TMPRSS5: variants seen among roughly 807,000 people sequenced by gnomAD.
TMPRSS5 encodes the protein transmembrane protease serine 5.
Under a neutral mutation model 59.7 loss-of-function variants are expected in TMPRSS5, and 45 were observed. That is an observed-to-expected ratio of 0.75 (90% confidence interval 0.59 to 0.97). The LOEUF is 0.97. Among genes scored for constraint, TMPRSS5 ranks in the 50% least tolerant of loss-of-function variants. The pLI is 0.00. For synonymous variants in TMPRSS5, 225 were observed against 232.0 expected, an observed-to-expected ratio of 0.97 and a Z score of 0.27; for missense variants, 585 against 596.7, an observed-to-expected ratio of 0.98 and a Z score of 0.20.
Position 113,687,892 on chromosome 11 carries a change from AG to A in TMPRSS5, c.*367del. 1 of 214,910 alleles carries A rather than the reference AG, an allele frequency of 4.7e-6. No homozygotes were observed. 13.3% of individuals were successfully genotyped at this position (214,910 alleles called of 1,614,324 possible). Reference sequence around the variant, plus strand: ...CAGCACCCTCCCAAAAGACTCACACAGGGGCAGGGAGGGGAGAGGGCAGAAG... The same window carrying A: ...CAGCACCCTCCCAAAAGACTCACACAGGGCAGGGAGGGGAGAGGGCAGAAG... On this transcript the variant is annotated 3_prime_UTR_variant, in exon 13 of 13. Transcript: ENST00000299882.
At chr11:113,688,347 T>A in intron 12 of TMPRSS5, 73 bp from the exon 13 acceptor site, 1 of 1,059,010 alleles carries the variant, frequency 9.4e-7, no homozygotes, top group Non-Finnish European at 1.4e-6. Flanking sequence ...TTTTAGTAAA[T>A]CACTTAACCA....
Position 113,700,072 on chromosome 11 carries a change from G to T in TMPRSS5, c.100C>A (p.His34Asn). 1 of 1,564,806 alleles carries T rather than the reference G, an allele frequency of 6.4e-7. No homozygotes were observed. Among genetic ancestry groups the T allele is most frequent in the Non-Finnish European group, 8.7e-7 (1 of 1,154,234 alleles). ...IFRAEPGDQQ[H>N]PISQAVCWRS... ...ATGGCCCAGTCTGGCCTACTGGGAT[G>T]CTGCTGGTCTCCAGGCTCTGCTCTG... The change falls in exon 2 of 13, where the codon CAT becomes AAT. Residue 34 changes from histidine (H) to asparagine (N), a missense_variant. Coordinates refer to ENST00000299882, the MANE Select transcript of TMPRSS5 (RefSeq NM_030770.4).
Position 113,693,130 on chromosome 11 carries a change from G to A in TMPRSS5, c.905C>T (p.Ala302Val), listed in dbSNP as rs1194066657. ...ERIIPHPLYSAQNHDYDVALL... is the reference protein window; with the variant it reads ...ERIIPHPLYSVQNHDYDVALL... ...GGCGACGTCGTAGTCATGATTCTGG[G>A]CACTGTAGAGGGGGTGTGGGATAAT... Residue 302 changes from alanine (A) to valine (V), a missense_variant, in exon 9 of 13, where the codon GCC becomes GTC. By Grantham distance (64) the Ala-to-Val change is moderately conservative (BLOSUM62 0). Coordinates refer to ENST00000299882, the MANE Select transcript of TMPRSS5 (RefSeq NM_030770.4). 1 of 1,596,502 alleles carries A rather than the reference G, an allele frequency of 6.3e-7. No homozygotes were observed. Among genetic ancestry groups the A allele is most frequent in the Non-Finnish European group, 8.5e-7 (1 of 1,171,622 alleles).
At chr11:113,700,940 A>G (rs1408829325) in intron 1 of TMPRSS5, among the ~76,000 whole-genome samples, 1 of 152,186 alleles carries the variant, frequency 6.6e-6, no homozygotes, top group Non-Finnish European at 1.5e-5. Context: ...AGTTCTCACA[A>G]GATCTGATGG....
chr11:113,690,961 T>A (rs764900020), intron 9 of TMPRSS5, 22 bp from the exon 10 acceptor site: 1 of 1,562,330 alleles, frequency 6.4e-7, no homozygotes, highest in Non-Finnish European at 8.7e-7. Flanking sequence ...CACATGGTCC[T>A]GGTCCCCAGT....
chr11:113,688,156 T>C lies in TMPRSS5; in HGVS notation c.*104A>G. The C allele has an allele frequency of 6.7e-7, 1 of 1,484,194 alleles. No individual in the cohort carries two copies. The highest frequency in any genetic ancestry group is 9.0e-7 in the Non-Finnish European group (1 of 1,117,064). The allele number at this position is 1,484,194 out of a possible 1,614,324, so 91.9% of individuals were successfully genotyped here. On this transcript the variant is annotated 3_prime_UTR_variant, in exon 13 of 13. Transcript: ENST00000299882. The stretch of plus-strand genomic sequence containing the variant: ...CACACAGTAGTAGGAGGTCCATGCG[T>C]TCTGTGTCGGAGGCTACTGCCTCTC...
chr11:113,690,176 G>GCCCCCCCCCCCCCCCCCCCCCCCCCCCC, intron 11 of TMPRSS5, 55 bp downstream of exon 11: 2 of 388,228 alleles, frequency 5.2e-6, no homozygotes, highest in South Asian at 4.3e-5. Flanking sequence ...CAGGCCCCCT[G>GCCCCCCCCCCCCCCCCCCCCCCCCCCCC]CCCTCCCACC....
chr11:113,698,871 G>A, intron 4 of TMPRSS5, 34 bp downstream of exon 4: 4 of 1,568,088 alleles, frequency 2.6e-6, no homozygotes, highest in African/African-American at 1.3e-5. Flanking sequence ...CCCTGCTGGG[G>A]AGGGAGGCCC....
chr11:113,703,645 C>G (rs1953202973), intron 1 of TMPRSS5, among the ~76,000 whole-genome samples: 1 of 152,198 alleles, frequency 6.6e-6, no homozygotes, highest in Non-Finnish European at 1.5e-5. Context: ...TTACCACGCA[C>G]TGGGGGAGGG....
At chr11:113,695,875 T>C (rs1952913538) in intron 6 of TMPRSS5, among the ~76,000 whole-genome samples, 1 of 152,222 alleles carries the variant, frequency 6.6e-6, no homozygotes, top group African/African-American at 2.4e-5. Flanking sequence ...TTCTCCACCC[T>C]GGTCCCTCTG....
intron 9 of TMPRSS5, 67 bp downstream of exon 9, chr11:113,693,004 T>TGC: frequency 6.4e-6 from 8 of 1,255,762 alleles, no homozygotes; most frequent in Non-Finnish European, 7.9e-6. Context: ...CTCACCACTC[T>TGC]CCCACCCAGC....
Position 113,694,580 on chromosome 11 carries a change from C to T in TMPRSS5, c.683G>A (p.Arg228His), listed in dbSNP as rs372456255. Residue 228 changes from arginine (R) to histidine (H), a missense_variant, in exon 8 of 13, where the codon CGC becomes CAC. Physicochemically the swap from Arg to His is conservative, Grantham distance 29. Transcript: ENST00000299882. ...IVGGQSVAPG[R>H]WPWQASVALG... ...GGCCACGCTGGCCTGCCACGGCCAG[C>T]GCCCAGGAGCCACAGACTGCCCACC... 134 of 1,556,284 alleles carry T rather than the reference C, an allele frequency of 8.6e-5. No individual in the cohort carries two copies. Among genetic ancestry groups the T allele is most frequent in the East Asian group, 2.4e-4 (10 of 41,232 alleles).
At chr11:113,695,505 A>C in intron 6 of TMPRSS5, 62 bp from the exon 7 acceptor site, 2 of 1,547,046 alleles carry the variant, frequency 1.3e-6, no homozygotes, top group Non-Finnish European at 1.8e-6. Flanking sequence ...ACACACATCC[A>C]AGGACGTGAA....
chr11:113,690,176 G>GCCCACCCC, intron 11 of TMPRSS5, 55 bp downstream of exon 11: 1 of 388,230 alleles, frequency 2.6e-6, no homozygotes, highest in Non-Finnish European at 4.2e-6. Flanking sequence ...CAGGCCCCCT[G>GCCCACCCC]CCCTCCCACC....
rs1278722692 is a variant in TMPRSS5 at position 113,698,966 on chromosome 11, T to G, written c.267A>C (p.Ile89=). The change falls in exon 4 of 13, where the codon ATA becomes ATC. Residue 89 remains isoleucine, a synonymous_variant. Coordinates refer to ENST00000299882, the MANE Select transcript of TMPRSS5 (RefSeq NM_030770.4). ...PISGTLQDEE[I]TLSCSEASAE... ...CGCTGGCCTCTGAGCAGCTCAAAGT[T>G]ATCTCCTCATCCTGCAAGGTCCCGG... 8.1e-6 allele frequency: 13 copies of G among 1,605,534 alleles called. No individual in the cohort carries two copies. Among genetic ancestry groups the G allele is most frequent in the Middle Eastern group, 1.7e-4 (1 of 6,048 alleles).
chr11:113,694,261 A>C (rs888518637), intron 8 of TMPRSS5: 7 of 418,864 alleles, frequency 1.7e-5, no homozygotes, highest in Non-Finnish European at 2.5e-5. Flanking sequence ...AAAAAAAAAA[A>C]ACTGATGAAT....
chr11:113,696,441 G>A (rs1213325653), intron 6 of TMPRSS5, among the ~76,000 whole-genome samples: 4 of 152,140 alleles, frequency 2.6e-5, no homozygotes, highest in Non-Finnish European at 4.4e-5. Context: ...TGAAATATCC[G>A]AATTATCCAA....
intron 1 of TMPRSS5, among the ~76,000 whole-genome samples, chr11:113,702,652 G>A (rs1953174339): frequency 1.3e-5 from 2 of 152,298 alleles, no homozygotes; most frequent in Admixed American, 1.3e-4. Flanking sequence ...CAGAGGCCCA[G>A]GAGAGAAAAA....
intron 9 of TMPRSS5, 25 bp from the exon 10 acceptor site, chr11:113,690,964 T>C: frequency 6.4e-7 from 1 of 1,559,698 alleles, no homozygotes; most frequent in Non-Finnish European, 8.7e-7. Flanking sequence ...ATGGTCCTGG[T>C]CCCCAGTCAG....
Sources: gnomAD v4.1 joint callset for allele counts (sites outside exome capture counted in the v4.1 genomes callset) on GRCh38, gnomAD v4.1.1 for gene constraint, MANE v1.5 for transcripts, NCBI Gene and HGNC (gene_info 2026-07-23, HGNC 2026-07-21) for gene names.